COP1: variants seen among roughly 807,000 people sequenced by gnomAD.
COP1 encodes the protein COP1 E3 ubiquitin ligase, also known as E3 ubiquitin-protein ligase COP1.
COP1 carries 24 observed loss-of-function variants against 101.3 expected under a neutral mutation model. That is an observed-to-expected ratio of 0.24 (90% confidence interval 0.17 to 0.33). The LOEUF (loss-of-function observed/expected upper bound fraction) is 0.33. Among genes scored for constraint, COP1 ranks in the 10% least tolerant of loss-of-function variants. The probability of loss-of-function intolerance (pLI) is 1.00; values close to 1 mark genes in which losing one functional copy is unlikely to be tolerated. For synonymous variants in COP1, 347 were observed against 341.9 expected, an observed-to-expected ratio of 1.01 and a Z score of -0.17; for missense variants, 663 against 906.2, an observed-to-expected ratio of 0.73 and a Z score of 3.45.
intron 18 of COP1, among the ~76,000 whole-genome samples, chr1:175,957,019 C>G (rs1349159850): frequency 6.6e-6 from 1 of 151,876 alleles, no homozygotes; most frequent in Non-Finnish European, 1.5e-5. Flanking sequence ...AAAATCTGTA[C>G]AGCTGTACAA....
At chr1:176,041,035 A>G (rs913888266) in intron 14 of COP1, among the ~76,000 whole-genome samples, 1 of 152,246 alleles carries the variant, frequency 6.6e-6, no homozygotes, top group African/African-American at 2.4e-5. Context: ...AGAAACAGAA[A>G]AAAAAGGTCA....
intron 1 of COP1, among the ~76,000 whole-genome samples, chr1:176,196,940 AGGAG>A (rs1160053879): frequency 1.4e-5 from 2 of 141,598 alleles, no homozygotes; most frequent in Admixed American, 6.9e-5. Flanking sequence ...TGAAACCAGC[AGGAG>A]GGAGGGAGGG....
intron 16 of COP1, 49 bp downstream of exon 16, chr1:175,989,313 A>G: frequency 1.1e-6 from 1 of 891,572 alleles, no homozygotes; most frequent in Non-Finnish European, 1.9e-6. Context: ...CTGGTAGGTA[A>G]GTACAGAGCT....
At chr1:176,156,647 C>T (rs546205989) in intron 5 of COP1, among the ~76,000 whole-genome samples, 1 of 152,200 alleles carries the variant, frequency 6.6e-6, no homozygotes, top group Non-Finnish European at 1.5e-5. Flanking sequence ...TGCTGTGGCT[C>T]TATCAGTATC....
At chr1:175,959,434 T>C (rs186595382) in intron 18 of COP1, among the ~76,000 whole-genome samples, 236 of 152,182 alleles carry the variant, frequency 1.6e-3, no homozygotes, top group Non-Finnish European at 2.7e-3. Flanking sequence ...TAACATTACA[T>C]TAGATGTTCT....
chr1:176,012,699 T>A (rs1664897818), intron 15 of COP1, among the ~76,000 whole-genome samples: 1 of 152,176 alleles, frequency 6.6e-6, no homozygotes, highest in Non-Finnish European at 1.5e-5. Flanking sequence ...ATTGTATTCT[T>A]ACTGTAGCTT....
intron 6 of COP1, among the ~76,000 whole-genome samples, chr1:176,143,023 C>A (rs6691843): frequency 0.013 from 1,954 of 150,670 alleles, 47 homozygotes; most frequent in African/African-American, 0.045. Context: ...AAACAGAAAA[C>A]AAACAAAACA....
chr1:175,974,943 C>T (rs1384970213), intron 18 of COP1, among the ~76,000 whole-genome samples: 1 of 140,844 alleles, frequency 7.1e-6, no homozygotes, highest in African/African-American at 2.7e-5. Flanking sequence ...AAAAAAAAAA[C>T]CCACAAAGAA....
chr1:176,142,222 A>G (rs1042644089), intron 6 of COP1, among the ~76,000 whole-genome samples: 8 of 152,160 alleles, frequency 5.3e-5, no homozygotes, highest in African/African-American at 1.9e-4. Context: ...AAAATGATAC[A>G]AAAAATTTAC....
chr1:176,160,473 G>C (rs1694155304), intron 5 of COP1, among the ~76,000 whole-genome samples: 2 of 151,856 alleles, frequency 1.3e-5, no homozygotes, highest in African/African-American at 2.4e-5. Flanking sequence ...TATCATCACA[G>C]TGAACAGGCA....
intron 2 of COP1, among the ~76,000 whole-genome samples, chr1:176,177,804 C>T (rs1697174203): frequency 6.6e-6 from 1 of 152,096 alleles, no homozygotes; most frequent in African/African-American, 2.4e-5. Flanking sequence ...AAAATAAAAA[C>T]CTACATTCCC....
chr1:176,108,045 T>C (rs2149540247), intron 9 of COP1, among the ~76,000 whole-genome samples: 1 of 151,976 alleles, frequency 6.6e-6, no homozygotes, highest in East Asian at 1.9e-4. Context: ...TTTTTTTTTT[T>C]TCTATAAAGG....
Position 176,149,037 on chromosome 1 carries a change from A to C in COP1, c.800T>G (p.Phe267Cys). 1 of 1,588,776 alleles carries C rather than the reference A, an allele frequency of 6.3e-7. No individual in the cohort carries two copies. The highest frequency in any genetic ancestry group is 8.6e-7 in the Non-Finnish European group (1 of 1,163,448). ...HAAQLQILME[F>C]LKVARRNKRE... ...CTTATTTCTTCTTGCAACCTTGAGG[A>C]ATTCCATAAGAATCTGTAGTTGGGC... The change falls in exon 6 of 20, where the codon TTC becomes TGC. Residue 267 changes from phenylalanine (F) to cysteine (C), a missense_variant. Around this residue, in one of 4 missense-constraint regions of COP1, gnomAD observed 212 missense variants for 240.7 expected, o/e 0.88. Transcript: ENST00000367669.
chr1:176,030,428 T>TA (rs1287987783), intron 14 of COP1, among the ~76,000 whole-genome samples: 3 of 152,184 alleles, frequency 2.0e-5, no homozygotes, highest in Non-Finnish European at 4.4e-5. Context: ...TTATAATCAC[T>TA]AAAAACCTTT....
In COP1 at chr1:176,207,046, C is replaced by T. The variant is rs1700938604; in HGVS notation, c.-68G>A. On this transcript the variant is annotated 5_prime_UTR_variant, in exon 1 of 20. Transcript: ENST00000367669. ...CCGCGACCTCGACCCTCCGCCGCCT[C>T]CCCTCCCCTCAGCCTCAGTGCATCC... The T allele has an allele frequency of 7.9e-7, 1 of 1,270,980 alleles. No homozygotes were observed. The highest frequency in any genetic ancestry group is 1.0e-6 in the Non-Finnish European group (1 of 989,036). The allele number at this position is 1,270,980 out of a possible 1,614,324, so 78.7% of individuals were successfully genotyped here. A position where few individuals can be genotyped will look rare whatever the true frequency, so the allele number is the denominator to read the frequency against.
intron 8 of COP1, among the ~76,000 whole-genome samples, chr1:176,120,864 AATT>A (rs1379283207): frequency 3.3e-5 from 5 of 152,154 alleles, no homozygotes; most frequent in Non-Finnish European, 7.4e-5. Flanking sequence ...TTTAAATTTA[AATT>A]ATTAGTGGAT....
intron 15 of COP1, among the ~76,000 whole-genome samples, chr1:176,014,096 AC>A (rs1455394293): frequency 6.6e-6 from 1 of 152,224 alleles, no homozygotes; most frequent in Non-Finnish European, 1.5e-5. Context: ...TAAAGGGTGC[AC>A]AATGAACTTT....
chr1:175,990,207 T>C (rs920142666), intron 15 of COP1, among the ~76,000 whole-genome samples: 1 of 152,118 alleles, frequency 6.6e-6, no homozygotes, highest in African/African-American at 2.4e-5. Flanking sequence ...CTTTGACTAA[T>C]GGTTATTTAG....
intron 14 of COP1, among the ~76,000 whole-genome samples, chr1:176,035,538 T>A (rs898188025): frequency 2.6e-5 from 4 of 151,866 alleles, no homozygotes; most frequent in Admixed American, 2.6e-4. Flanking sequence ...TGATATTATA[T>A]ATTAACAAAT....
Sources: gnomAD v4.1 joint callset for allele counts (sites outside exome capture counted in the v4.1 genomes callset) on GRCh38, gnomAD v4.1.1 for gene constraint, gnomAD v4.1.1 regional missense constraint, MANE v1.5 for transcripts, NCBI Gene and HGNC (gene_info 2026-07-23, HGNC 2026-07-21) for gene names.